EBF1: variants seen among roughly 807,000 people sequenced by gnomAD.
The protein encoded by EBF1 is transcription factor COE1.
In EBF1, 10 loss-of-function variants were observed where a neutral mutation model predicts 68.4. The ratio of observed to expected loss-of-function variants is 0.15; its 90% CI spans 0.09 to 0.25. EBF1 has a LOEUF of 0.25. Ranked by LOEUF, EBF1 falls within the 10% of genes least tolerant of loss-of-function variation. The pLI, the probability that EBF1 is intolerant of heterozygous loss-of-function variation, is 1.00. For missense variants in EBF1, 509 were observed against 794.4 expected (o/e 0.64, Z 4.32); for synonymous variants, 298 against 299.8 (o/e 0.99, Z 0.06).
intron 8 of EBF1, among the ~76,000 whole-genome samples, chr5:158,804,418 C>T (rs1781195883): frequency 6.6e-6 from 1 of 152,024 alleles, no homozygotes; most frequent in African/African-American, 2.4e-5. Flanking sequence ...GACATAGCAC[C>T]TGAGCAAGGG....
intron 6 of EBF1, among the ~76,000 whole-genome samples, chr5:158,898,703 C>G (rs1802659648): frequency 6.6e-6 from 1 of 152,224 alleles, no homozygotes; most frequent in African/African-American, 2.4e-5. Context: ...CATCCACGCA[C>G]TAAGCGGGGG....
chr5:158,916,551 AT>A (rs1392525423), intron 6 of EBF1, among the ~76,000 whole-genome samples: 1 of 152,202 alleles, frequency 6.6e-6, no homozygotes, highest in Non-Finnish European at 1.5e-5. Flanking sequence ...TATTAGATCC[AT>A]TTAGTAGGTG....
chr5:158,958,149 A>C (rs1436057107), intron 6 of EBF1, among the ~76,000 whole-genome samples: 1 of 152,164 alleles, frequency 6.6e-6, no homozygotes, highest in African/African-American at 2.4e-5. Context: ...ATTGAGACTG[A>C]CATCTGACAG....
At chr5:158,941,252 C>G (rs1813304504) in intron 6 of EBF1, 1 of 455,766 alleles carries the variant, frequency 2.2e-6, no homozygotes. Flanking sequence ...GGGGTTAGAC[C>G]CAAACAATGC....
intron 11 of EBF1, among the ~76,000 whole-genome samples, chr5:158,724,967 T>C (rs1581345885): frequency 6.6e-6 from 1 of 152,226 alleles, no homozygotes. Context: ...ACATATCATG[T>C]GGCCAGCAGA....
chr5:158,915,143 A>G (rs1477489771), intron 6 of EBF1, among the ~76,000 whole-genome samples: 2 of 152,224 alleles, frequency 1.3e-5, no homozygotes, highest in Non-Finnish European at 2.9e-5. Context: ...ATTATCCTAA[A>G]TTATTGATAA....
At chr5:158,941,286 A>T in intron 6 of EBF1, 1 of 455,592 alleles carries the variant, frequency 2.2e-6, no homozygotes, top group South Asian at 1.6e-5. Context: ...TGAATCAGGA[A>T]CACGTACAAA....
At chr5:158,794,490 T>C (rs1378437075) in intron 9 of EBF1, among the ~76,000 whole-genome samples, 1 of 152,148 alleles carries the variant, frequency 6.6e-6, no homozygotes, top group Non-Finnish European at 1.5e-5. Context: ...ATGCATGATT[T>C]CCTGATGTGT....
chr5:158,978,030 A>G (rs1272532720), intron 6 of EBF1, among the ~76,000 whole-genome samples: 1 of 152,254 alleles, frequency 6.6e-6, no homozygotes, highest in Non-Finnish European at 1.5e-5. Flanking sequence ...GTAAACTGGC[A>G]TTTCTAATAC....
intron 10 of EBF1, among the ~76,000 whole-genome samples, chr5:158,772,644 G>C (rs752378548): frequency 1.3e-5 from 2 of 152,076 alleles, no homozygotes; most frequent in African/African-American, 2.4e-5. Context: ...GGGTTGACAG[G>C]TGTTACTTGT....
chr5:159,032,676 C>A (rs1458929906), intron 6 of EBF1, among the ~76,000 whole-genome samples: 1 of 152,224 alleles, frequency 6.6e-6, no homozygotes, highest in Non-Finnish European at 1.5e-5. Context: ...CCACCCTCTC[C>A]CTTCAAAGCA....
At chr5:158,743,899 G>A (rs528679616) in intron 10 of EBF1, among the ~76,000 whole-genome samples, 7 of 152,248 alleles carry the variant, frequency 4.6e-5, no homozygotes, top group African/African-American at 1.7e-4. Flanking sequence ...GACTGGGCAC[G>A]GTGGCTCATG....
At chr5:158,841,211 T>TAAA (rs1306770040) in intron 6 of EBF1, among the ~76,000 whole-genome samples, 1 of 152,236 alleles carries the variant, frequency 6.6e-6, no homozygotes, top group African/African-American at 2.4e-5. Context: ...GTATGGGTGA[T>TAAA]AAATTATATG....
intron 10 of EBF1, among the ~76,000 whole-genome samples, chr5:158,772,163 G>A (rs139362293): frequency 0.012 from 1,781 of 152,250 alleles, 136 homozygotes; most frequent in Admixed American, 0.11. Context: ...TATTCAGAGC[G>A]TACTGTGACA....
At chr5:158,984,269 GT>G (rs778683263) in intron 6 of EBF1, among the ~76,000 whole-genome samples, 8 of 152,178 alleles carry the variant, frequency 5.3e-5, no homozygotes, top group Non-Finnish European at 1.0e-4. Context: ...GATTTCTATG[GT>G]GCTGTTCATG....
chr5:158,720,801 A>G (rs1185981118), intron 11 of EBF1, among the ~76,000 whole-genome samples: 1 of 152,180 alleles, frequency 6.6e-6, no homozygotes, highest in Non-Finnish European at 1.5e-5. Context: ...AAGGAGGAAC[A>G]TAAATGAGGT....
At chr5:158,803,950 C>CTGTGTGTGTG (rs10581149) in intron 8 of EBF1, among the ~76,000 whole-genome samples, 1 of 131,400 alleles carries the variant, frequency 7.6e-6, no homozygotes, top group African/African-American at 2.9e-5. Flanking sequence ...GTGTGTGTGT[C>CTGTGTGTGTG]TGTGTGTGTG....
In EBF1 at chr5:159,031,979, A is replaced by T. The variant is rs906339474; in HGVS notation, c.554+41417T>A. 2.6e-5 allele frequency among the ~76,000 whole-genome samples: 4 copies of T among 152,294 alleles called. No individual in the cohort carries two copies. The East Asian group carries it at 7.7e-4, about 29-fold the overall frequency. On this transcript the variant is annotated intron_variant, in intron 6 of 15. Transcript: ENST00000313708. ...GAAGGAATTTTAATGATAAAAAAAA[A>T]TTTTCAAATGTTGAACTATGTATTT...
intron 6 of EBF1, among the ~76,000 whole-genome samples, chr5:158,933,387 G>C (rs1438521286): frequency 6.6e-6 from 1 of 152,214 alleles, no homozygotes; most frequent in Non-Finnish European, 1.5e-5. Context: ...AAGCCATCTT[G>C]TCAGCTGGAG....
Sources: allele counts gnomAD v4.1 joint callset (sites outside exome capture counted in the v4.1 genomes callset), GRCh38; gene constraint gnomAD v4.1.1; transcripts MANE v1.5; gene names NCBI Gene and HGNC (gene_info 2026-07-23, HGNC 2026-07-21).